Variants in B4GALT6 observed in about 807,000 individuals in gnomAD.
The protein encoded by B4GALT6 is beta-1,4-galactosyltransferase 6.
Under a neutral mutation model 46.3 loss-of-function variants are expected in B4GALT6, and 14 were observed. The observed-to-expected ratio is 0.30, with a 90% confidence interval of 0.20 to 0.47. The LOEUF is 0.47. Among genes scored for constraint, B4GALT6 ranks in the 20% least tolerant of loss-of-function variants. The pLI, the probability that B4GALT6 is intolerant of heterozygous loss-of-function variation, is 0.99. For synonymous variants in B4GALT6, 168 were observed against 162.0 expected (o/e 1.04, Z -0.28); for missense variants, 386 against 480.1 (o/e 0.80, Z 1.83).
At chr18:31,695,790 G>A in the B4GALT6 span, among the ~76,000 whole-genome samples, 1 of 152,218 alleles carries the variant, frequency 6.6e-6, no homozygotes, top group East Asian at 1.9e-4. Context: ...AAGGCAAAAT[G>A]TCAGTGAGAA....
chr18:31,684,222 C>T, intron 1 of B4GALT6, 90 bp downstream of exon 1: 1 of 1,580,756 alleles, frequency 6.3e-7, no homozygotes. Context: ...CCTGTTTGAA[C>T]AGCTTCCAAA....
intron 3 of B4GALT6, among the ~76,000 whole-genome samples, chr18:31,649,554 AC>A (rs2074035191): frequency 6.7e-6 from 1 of 149,422 alleles, no homozygotes; most frequent in African/African-American, 2.5e-5. Flanking sequence ...CAAGCAAAAA[AC>A]AACCCCATTA....
intron 3 of B4GALT6, among the ~76,000 whole-genome samples, chr18:31,657,767 T>C (rs941814431): frequency 6.6e-6 from 1 of 152,222 alleles, no homozygotes; most frequent in Non-Finnish European, 1.5e-5. Context: ...CCCCTTTGTA[T>C]TTTTCTTCAG....
At chr18:31,669,632 A>C (rs1316688335) in intron 1 of B4GALT6, among the ~76,000 whole-genome samples, 2 of 152,250 alleles carry the variant, frequency 1.3e-5, no homozygotes, top group Non-Finnish European at 2.9e-5. Context: ...GAGAAAAAAG[A>C]AAACTAAAAG....
At chr18:31,648,995 G>GAGAA (rs1206649734) in intron 3 of B4GALT6, among the ~76,000 whole-genome samples, 5 of 152,280 alleles carry the variant, frequency 3.3e-5, no homozygotes, top group African/African-American at 1.2e-4. Context: ...GACAGTGTCA[G>GAGAA]AGAAAGACCT....
intron 1 of B4GALT6, among the ~76,000 whole-genome samples, chr18:31,674,123 A>G (rs1212295394): frequency 6.6e-6 from 1 of 152,206 alleles, no homozygotes; most frequent in East Asian, 1.9e-4. Context: ...TTTTAAGCCA[A>G]CATGTGGTAA....
chr18:31,712,284 G>GTTTT, the B4GALT6 span, among the ~76,000 whole-genome samples: 6 of 88,284 alleles, frequency 6.8e-5, no homozygotes, highest in Admixed American at 2.4e-4. Context: ...CTACTGGGAC[G>GTTTT]TTATTTTTTT....
At chr18:31,707,432 T>G in the B4GALT6 span, among the ~76,000 whole-genome samples, 1 of 152,144 alleles carries the variant, frequency 6.6e-6, no homozygotes, top group South Asian at 2.1e-4. Flanking sequence ...GCTAGTCAAC[T>G]GATCTCATTA....
intron 5 of B4GALT6, 56 bp from the exon 6 acceptor site, chr18:31,631,202 T>A: frequency 3.7e-6 from 5 of 1,349,550 alleles, no homozygotes; most frequent in East Asian, 2.7e-5. Context: ...TTCATCATCT[T>A]TTTTTTTTTT....
chr18:31,681,867 A>AT (rs1460520602), intron 1 of B4GALT6, among the ~76,000 whole-genome samples: 4 of 152,338 alleles, frequency 2.6e-5, no homozygotes, highest in African/African-American at 7.2e-5. Flanking sequence ...TACAACATAC[A>AT]TTTTAGTCAT....
At chr18:31,674,545 T>C (rs2074394532) in intron 1 of B4GALT6, among the ~76,000 whole-genome samples, 1 of 152,212 alleles carries the variant, frequency 6.6e-6, no homozygotes, top group African/African-American at 2.4e-5. Flanking sequence ...CAATAATAAC[T>C]ACAGATATGT....
intron 3 of B4GALT6, among the ~76,000 whole-genome samples, chr18:31,652,223 C>T (rs1331911495): frequency 6.6e-6 from 1 of 152,206 alleles, no homozygotes; most frequent in Non-Finnish European, 1.5e-5. Flanking sequence ...CTACAGTCTA[C>T]ATACACTTCT....
chr18:31,722,803 G>T, the B4GALT6 span, among the ~76,000 whole-genome samples: 2 of 152,180 alleles, frequency 1.3e-5, no homozygotes, highest in Non-Finnish European at 2.9e-5. Flanking sequence ...CTTAGTGGCA[G>T]AATCACACAC....
At chr18:31,686,036 CG>C (rs1001425356), upstream of B4GALT6, 2 of 152,326 alleles carry the variant, frequency 1.3e-5, no homozygotes, top group African/African-American at 4.8e-5. Flanking sequence ...GGCAAACGGA[CG>C]GGTGTCTTCA....
chr18:31,714,926 G>T, the B4GALT6 span, among the ~76,000 whole-genome samples: 2 of 152,158 alleles, frequency 1.3e-5, no homozygotes, highest in Non-Finnish European at 2.9e-5. Flanking sequence ...ACCTCCATAG[G>T]CTTGCCAGCT....
chr18:31,627,154 A>G, intron 6 of B4GALT6, 33 bp from the exon 7 acceptor site: 1 of 1,551,930 alleles, frequency 6.4e-7, no homozygotes, highest in Non-Finnish European at 8.7e-7. Flanking sequence ...TCTAAAAATA[A>G]AATCATAATA....
At chr18:31,665,732 ACT>A (rs1485920101) in intron 2 of B4GALT6, among the ~76,000 whole-genome samples, 3 of 152,134 alleles carry the variant, frequency 2.0e-5, no homozygotes, top group African/African-American at 7.2e-5. Flanking sequence ...ACAGAGCGAG[ACT>A]CTGTCTAAAA....
intron 2 of B4GALT6, among the ~76,000 whole-genome samples, 192 bp downstream of exon 2, chr18:31,666,064 T>C (rs987370547): frequency 2.0e-5 from 3 of 152,258 alleles, no homozygotes; most frequent in Non-Finnish European, 4.4e-5. Context: ...CTCATCACTT[T>C]TGTGACCACA....
chr18:31,683,112 C>T (rs147485935), intron 1 of B4GALT6, among the ~76,000 whole-genome samples: 3 of 152,164 alleles, frequency 2.0e-5, no homozygotes, highest in African/African-American at 7.2e-5. Context: ...GTTTATACAC[C>T]TCACTGAATC....
Sources: allele counts gnomAD v4.1 joint callset (sites outside exome capture counted in the v4.1 genomes callset), GRCh38; gene constraint gnomAD v4.1.1; transcripts MANE v1.5; gene names NCBI Gene and HGNC (gene_info 2026-07-23, HGNC 2026-07-21).